SLC16A7: variants seen among roughly 807,000 people sequenced by gnomAD.
The protein encoded by SLC16A7 is monocarboxylate transporter 2.
Under a neutral mutation model 34.9 loss-of-function variants are expected in SLC16A7, and 33 were observed. The observed-to-expected ratio is 0.94, with a 90% confidence interval of 0.72 to 1.26. The LOEUF (loss-of-function observed/expected upper bound fraction) is 1.26, where lower values mean the gene tolerates loss of function less well. SLC16A7 is among the 50% of genes most tolerant of loss of function. The pLI is 0.00. For missense variants in SLC16A7, 573 were observed against 578.1 expected (o/e 0.99, Z 0.09); for synonymous variants, 201 against 206.6 (o/e 0.97, Z 0.23).
intron 1 of SLC16A7, among the ~76,000 whole-genome samples, chr12:59,623,014 T>G (rs913021503): frequency 6.7e-6 from 1 of 150,366 alleles, no homozygotes; most frequent in African/African-American, 2.4e-5. Flanking sequence ...CCAGTTAGCC[T>G]AGAGCAATAA....
intron 3 of SLC16A7, among the ~76,000 whole-genome samples, chr12:59,730,869 C>T (rs776749650): frequency 3.9e-5 from 6 of 152,122 alleles, no homozygotes; most frequent in Non-Finnish European, 8.8e-5. Flanking sequence ...AGTCTCTTCA[C>T]CACTTGTGAT....
intron 3 of SLC16A7, among the ~76,000 whole-genome samples, chr12:59,749,050 A>G (rs1879209620): frequency 1.3e-5 from 2 of 152,224 alleles, no homozygotes. Flanking sequence ...AAGAAATGAC[A>G]TCTGCCTGAA....
At chr12:59,700,045 A>G (rs1872708423) in intron 2 of SLC16A7, among the ~76,000 whole-genome samples, 1 of 151,660 alleles carries the variant, frequency 6.6e-6, no homozygotes, top group African/African-American at 2.4e-5. Context: ...TGTTTTATAG[A>G]AAAAATACTT....
chr12:59,688,512 T>G (rs540588976), intron 2 of SLC16A7, among the ~76,000 whole-genome samples: 9 of 152,240 alleles, frequency 5.9e-5, no homozygotes, highest in African/African-American at 2.2e-4. Flanking sequence ...GATAGTATTA[T>G]GTGAAAATGC....
chr12:59,596,361 G>A lies in SLC16A7; in HGVS notation c.-130+125G>A, dbSNP rs1299322033. ...AGCCGCACGCGTGTGTGCAAATAAT[G>A]GCCAGCCTGTGACAAACGTGCCAAC... On this transcript the variant is annotated intron_variant, in intron 1 of 5. Transcript: ENST00000547379. The surrounding 1 kb of genome is among the most constrained non-coding windows in gnomAD (Gnocchi z 5.0). 6.6e-6 allele frequency: 1 copy of A among 152,306 alleles called. No individual in the cohort carries two copies. Among genetic ancestry groups the A allele is most frequent in the Non-Finnish European group, 1.5e-5 (1 of 68,174 alleles). 9.4% of individuals were successfully genotyped at this position (152,306 alleles called of 1,614,324 possible).
intron 3 of SLC16A7, among the ~76,000 whole-genome samples, chr12:59,755,405 AG>A (rs1307433528): frequency 1.5e-4 from 23 of 152,234 alleles, no homozygotes; most frequent in Admixed American, 1.5e-3. Flanking sequence ...ACTTCAGCAA[AG>A]TCTCAGGATA....
At position 59,779,645 on chromosome 12, in the gene SLC16A7, A is replaced by AGAG. The variant is rs1289511823; in HGVS notation, c.1404_1406dup (p.Gln468_Ser469insArg). ...GTTAACGTCAAAGTTTCAAATGCACAGAGTGTAACCTCAGAAAGAGAAACT... is the reference window on the plus strand; with the variant it reads ...GTTAACGTCAAAGTTTCAAATGCACAGAGGAGTGTAACCTCAGAAAGAGAAACT... On this transcript the variant is annotated inframe_insertion, in exon 6 of 6. Transcript: ENST00000547379. The AGAG allele has an allele frequency of 6.2e-7, 1 of 1,611,696 alleles. No homozygotes were observed. Among genetic ancestry groups the AGAG allele is most frequent in the Non-Finnish European group, 8.5e-7 (1 of 1,178,166 alleles).
intron 3 of SLC16A7, among the ~76,000 whole-genome samples, chr12:59,711,693 T>A (rs563827316): frequency 3.9e-5 from 6 of 152,144 alleles, no homozygotes; most frequent in Non-Finnish European, 8.8e-5. Flanking sequence ...TAATTTCTGG[T>A]TTTTTGTACA....
Position 59,781,492 on chromosome 12 carries a change from T to C in SLC16A7, c.*1813T>C, listed in dbSNP as rs564378971. On this transcript the variant is annotated 3_prime_UTR_variant, in exon 6 of 6. Coordinates refer to ENST00000547379, the MANE Select transcript of SLC16A7 (RefSeq NM_001270623.2). The stretch of plus-strand genomic sequence containing the variant: ...ACTGCTTAAGCATGTGGCTCATATT[T>C]AGGAAGCTATATAAAATTCAGTTTT... 32 of 152,686 alleles carry C rather than the reference T, an allele frequency of 2.1e-4. No individual in the cohort carries two copies. The highest frequency in any genetic ancestry group is 4.3e-4 in the Non-Finnish European group (29 of 68,008). The allele number at this position is 152,686 out of a possible 1,614,324, so 9.5% of individuals were successfully genotyped here.
intron 3 of SLC16A7, among the ~76,000 whole-genome samples, chr12:59,711,988 A>G (rs776179034): frequency 3.3e-5 from 5 of 152,354 alleles, no homozygotes; most frequent in Middle Eastern, 3.4e-3. Flanking sequence ...CTACTTGGTC[A>G]TTCAGCCTAT....
intron 3 of SLC16A7, among the ~76,000 whole-genome samples, chr12:59,755,674 A>T (rs1880233354): frequency 6.6e-6 from 1 of 152,176 alleles, no homozygotes; most frequent in Non-Finnish European, 1.5e-5. Context: ...GAAAATGGCC[A>T]TACTGCCCAA....
chr12:59,601,965 C>G (rs962581626), intron 1 of SLC16A7, among the ~76,000 whole-genome samples: 1 of 152,168 alleles, frequency 6.6e-6, no homozygotes, highest in Admixed American at 6.5e-5. Context: ...AATGATCTAT[C>G]TCTGTTTTCT....
At chr12:59,687,329 C>A (rs1389328376) in intron 2 of SLC16A7, among the ~76,000 whole-genome samples, 2 of 151,970 alleles carry the variant, frequency 1.3e-5, no homozygotes, top group Non-Finnish European at 2.9e-5. Context: ...CCATAGTAAC[C>A]TTCTAAATGT....
chr12:59,619,568 C>T (rs1879605562), intron 1 of SLC16A7, among the ~76,000 whole-genome samples: 1 of 151,998 alleles, frequency 6.6e-6, no homozygotes, highest in South Asian at 2.1e-4. Flanking sequence ...ACCAGAAAGG[C>T]AGGTCTTTGA....
chr12:59,627,951 C>G (rs1483082008), intron 1 of SLC16A7, among the ~76,000 whole-genome samples: 1 of 151,078 alleles, frequency 6.6e-6, no homozygotes, highest in African/African-American at 2.4e-5. Flanking sequence ...TAATTAATAT[C>G]CACCCAATCT....
chr12:59,755,188 C>T (rs1405067585), intron 3 of SLC16A7, among the ~76,000 whole-genome samples: 3 of 152,112 alleles, frequency 2.0e-5, no homozygotes, highest in Non-Finnish European at 4.4e-5. Context: ...CCTTTGAAAA[C>T]TGGCACAAGA....
At chr12:59,671,702 G>GTA (rs1242389891) in intron 2 of SLC16A7, among the ~76,000 whole-genome samples, 8 of 145,206 alleles carry the variant, frequency 5.5e-5, no homozygotes, top group African/African-American at 1.5e-4. Context: ...GTGTGTGTGT[G>GTA]TATATATATA....
intron 3 of SLC16A7, among the ~76,000 whole-genome samples, chr12:59,767,904 G>A (rs1422058438): frequency 6.8e-6 from 1 of 146,224 alleles, no homozygotes; most frequent in Non-Finnish European, 1.5e-5. Context: ...GAGAACACTT[G>A]GACACAGGAA....
rs576681037 is a variant in SLC16A7 at position 59,611,016 on chromosome 12, T to G, written c.-130+14780T>G. 1.6e-3 allele frequency among the ~76,000 whole-genome samples: 239 copies of G among 152,316 alleles called. 1 individual carries two copies. Among genetic ancestry groups the G allele is most frequent in the African/African-American group, 5.3e-3 (220 of 41,572 alleles). On this transcript the variant is annotated intron_variant, in intron 1 of 5. Transcript: ENST00000547379. Reference sequence around the variant, plus strand: ...GGTGGCCTGCTTTCTGATTCACAGATAGCAGTGTTATACCTGTGTGCTTAC... The same window carrying G: ...GGTGGCCTGCTTTCTGATTCACAGAGAGCAGTGTTATACCTGTGTGCTTAC...
Sources: gnomAD v4.1 joint callset for allele counts (sites outside exome capture counted in the v4.1 genomes callset) on GRCh38, gnomAD v4.1.1 for gene constraint, Gnocchi (gnomAD v3.1) non-coding constraint, MANE v1.5 for transcripts, NCBI Gene and HGNC (gene_info 2026-07-23, HGNC 2026-07-21) for gene names.